TAS2R1: variants seen among roughly 807,000 people sequenced by gnomAD.
TAS2R1 encodes taste 2 receptor member 1, also known as taste receptor type 2 member 1.
For synonymous variants in TAS2R1, 141 were observed against 134.2 expected, an observed-to-expected ratio of 1.05 and a Z score of -0.35; for missense variants, 370 against 353.4, an observed-to-expected ratio of 1.05 and a Z score of -0.38.
intron 1 of TAS2R1, among the ~76,000 whole-genome samples, chr5:9,683,222 T>C (rs1220526404): frequency 6.6e-6 from 1 of 152,050 alleles, no homozygotes; most frequent in African/African-American, 2.4e-5. Flanking sequence ...TGCTTAATAA[T>C]CTCATATGTA....
intron 1 of TAS2R1, among the ~76,000 whole-genome samples, chr5:9,670,820 C>G (rs1184655825): frequency 6.6e-6 from 1 of 152,056 alleles, no homozygotes. Context: ...AAACCAAAAC[C>G]TGGCAAAGAT....
At chr5:9,779,067 G>C in the TAS2R1 span, among the ~76,000 whole-genome samples, 1 of 152,190 alleles carries the variant, frequency 6.6e-6, no homozygotes, top group Non-Finnish European at 1.5e-5. Context: ...TTGGAGATGG[G>C]ACCTGGTGAG....
At chr5:9,865,701 T>C in the TAS2R1 span, among the ~76,000 whole-genome samples, 2 of 152,262 alleles carry the variant, frequency 1.3e-5, no homozygotes, top group Non-Finnish European at 2.9e-5. Context: ...TATTTTCTTA[T>C]ATCACTTTAA....
chr5:9,649,388 G>T (rs990996145), intron 2 of TAS2R1, among the ~76,000 whole-genome samples: 1 of 152,160 alleles, frequency 6.6e-6, no homozygotes, highest in Non-Finnish European at 1.5e-5. Context: ...GTAAAAGTTG[G>T]AAGTATTTGC....
chr5:9,853,877 T>C, the TAS2R1 span, among the ~76,000 whole-genome samples: 2 of 152,180 alleles, frequency 1.3e-5, no homozygotes, highest in East Asian at 3.8e-4. Flanking sequence ...AGTGCTGCAC[T>C]TCTAAATCTA....
chr5:9,695,725 T>C (rs917277808), intron 1 of TAS2R1, among the ~76,000 whole-genome samples: 9 of 151,980 alleles, frequency 5.9e-5, no homozygotes, highest in African/African-American at 1.9e-4. Flanking sequence ...CTAGGGGACG[T>C]CATCTTGAGA....
At chr5:9,886,788 T>C in the TAS2R1 span, among the ~76,000 whole-genome samples, 1 of 152,060 alleles carries the variant, frequency 6.6e-6, no homozygotes, top group Non-Finnish European at 1.5e-5. Context: ...CTTATTACCT[T>C]GGGGATAAAT....
intron 1 of TAS2R1, among the ~76,000 whole-genome samples, chr5:9,705,867 C>G (rs1001296562): frequency 6.6e-6 from 1 of 151,122 alleles, no homozygotes. Flanking sequence ...CATCCCCCCC[C>G]AAAAAAAGAC....
At chr5:9,818,964 TA>T in the TAS2R1 span, among the ~76,000 whole-genome samples, 1 of 152,142 alleles carries the variant, frequency 6.6e-6, no homozygotes, top group Admixed American at 6.5e-5. Context: ...ACAGGGAACA[TA>T]ATGATTTAAT....
chr5:9,736,383 C>T, the TAS2R1 span, among the ~76,000 whole-genome samples: 1 of 152,228 alleles, frequency 6.6e-6, no homozygotes, highest in African/African-American at 2.4e-5. Flanking sequence ...TGTCCAACCA[C>T]AAGCCCCATC....
chr5:9,876,694 G>T, the TAS2R1 span, among the ~76,000 whole-genome samples: 4 of 152,118 alleles, frequency 2.6e-5, no homozygotes, highest in Non-Finnish European at 4.4e-5. Context: ...ACCTAAAAAT[G>T]CAAATCGTAA....
chr5:9,739,803 G>T, the TAS2R1 span, among the ~76,000 whole-genome samples: 1 of 152,174 alleles, frequency 6.6e-6, no homozygotes, highest in Non-Finnish European at 1.5e-5. Flanking sequence ...TGAATTCAGA[G>T]AATTTAAGAT....
At chr5:9,651,032 A>G (rs1443310156) in intron 2 of TAS2R1, among the ~76,000 whole-genome samples, 2 of 152,156 alleles carry the variant, frequency 1.3e-5, no homozygotes, top group Non-Finnish European at 2.9e-5. Flanking sequence ...TGAAATGGCT[A>G]TTGTTCTGAA....
intron 1 of TAS2R1, among the ~76,000 whole-genome samples, chr5:9,673,768 T>C (rs1186053627): frequency 6.6e-6 from 1 of 152,146 alleles, no homozygotes; most frequent in Non-Finnish European, 1.5e-5. Context: ...GCAAGGAATT[T>C]CACCTGTGCA....
the TAS2R1 span, among the ~76,000 whole-genome samples, chr5:9,821,619 G>T: frequency 6.6e-6 from 1 of 152,194 alleles, no homozygotes; most frequent in African/African-American, 2.4e-5. Context: ...GATGCAAGAT[G>T]CTATGGCAAA....
the TAS2R1 span, among the ~76,000 whole-genome samples, chr5:9,844,723 A>G: frequency 6.6e-6 from 1 of 152,136 alleles, no homozygotes. Context: ...GGAAGCTTTC[A>G]GCATTTTTTT....
chr5:9,759,485 C>G, the TAS2R1 span, among the ~76,000 whole-genome samples: 6 of 152,194 alleles, frequency 3.9e-5, no homozygotes, highest in African/African-American at 1.4e-4. Flanking sequence ...ATACACCAAA[C>G]AGAATTTGGG....
the TAS2R1 span, among the ~76,000 whole-genome samples, chr5:9,774,967 A>G: frequency 6.6e-6 from 1 of 152,170 alleles, no homozygotes; most frequent in African/African-American, 2.4e-5. Context: ...CTAGGGCTCT[A>G]CAATCAGCAG....
the TAS2R1 span, among the ~76,000 whole-genome samples, chr5:9,860,367 T>G: frequency 0.29 from 44,226 of 152,122 alleles, 6,576 homozygotes; most frequent in Middle Eastern, 0.37. Flanking sequence ...ATTCTCCATT[T>G]ACCTTCCCTC....
Sources: allele counts gnomAD v4.1 joint callset (sites outside exome capture counted in the v4.1 genomes callset), GRCh38; gene constraint gnomAD v4.1.1; transcripts MANE v1.5; gene names NCBI Gene and HGNC (gene_info 2026-07-23, HGNC 2026-07-21).